Variants in CLNK observed in about 807,000 individuals in gnomAD.
The protein encoded by CLNK is cytokine-dependent hematopoietic cell linker.
In CLNK, 74 loss-of-function variants were observed where a neutral mutation model predicts 68.6. That is an observed-to-expected ratio of 1.08 (90% CI 0.89 to 1.31). The LOEUF (loss-of-function observed/expected upper bound fraction) is 1.31. Among genes scored for constraint, CLNK ranks in the 50% most tolerant of loss-of-function variants. The pLI, the probability that CLNK is intolerant of heterozygous loss-of-function variation, is 0.00. For missense variants in CLNK, 553 were observed against 515.3 expected, an observed-to-expected ratio of 1.07 and a Z score of -0.71; for synonymous variants, 198 against 172.2, an observed-to-expected ratio of 1.15 and a Z score of -1.17.
chr4:10,509,159 T>G (rs1426389414), intron 16 of CLNK, among the ~76,000 whole-genome samples: 1 of 151,252 alleles, frequency 6.6e-6, no homozygotes, highest in African/African-American at 2.4e-5. Flanking sequence ...TGGCAAGAGT[T>G]AGGTACGTGA....
intron 7 of CLNK, among the ~76,000 whole-genome samples, chr4:10,562,264 T>C (rs1336778707): frequency 6.6e-6 from 1 of 152,114 alleles, no homozygotes; most frequent in Non-Finnish European, 1.5e-5. Context: ...TTCTATGTAT[T>C]ACTACAACAG....
At chr4:10,607,965 T>C (rs1382283418) in intron 2 of CLNK, among the ~76,000 whole-genome samples, 1 of 152,224 alleles carries the variant, frequency 6.6e-6, no homozygotes. Flanking sequence ...AGCAATTTAC[T>C]GTACCTGTGT....
chr4:10,679,996 AC>A (rs1725031166), intron 1 of CLNK, among the ~76,000 whole-genome samples: 2 of 152,150 alleles, frequency 1.3e-5, no homozygotes, highest in African/African-American at 2.4e-5. Context: ...ATACCATTTG[AC>A]CCAGCCATCT....
intron 7 of CLNK, among the ~76,000 whole-genome samples, chr4:10,561,482 T>C (rs1004123596): frequency 1.3e-5 from 2 of 151,686 alleles, no homozygotes; most frequent in Non-Finnish European, 3.0e-5. Context: ...AGAATTATTC[T>C]TTGTAAAAAA....
intron 4 of CLNK, among the ~76,000 whole-genome samples, chr4:10,581,493 G>T (rs1262881471): frequency 6.6e-6 from 1 of 152,142 alleles, no homozygotes; most frequent in African/African-American, 2.4e-5. Flanking sequence ...CAAACTCACA[G>T]AAACAGCTAC....
intron 4 of CLNK, among the ~76,000 whole-genome samples, chr4:10,576,686 C>A (rs140839866): frequency 6.6e-6 from 1 of 152,168 alleles, no homozygotes; most frequent in Non-Finnish European, 1.5e-5. Flanking sequence ...ATCAAACTCA[C>A]CTTGGGAGCT....
At chr4:10,692,799 C>G in the CLNK span, among the ~76,000 whole-genome samples, 16 of 152,282 alleles carry the variant, frequency 1.1e-4, no homozygotes, top group African/African-American at 3.4e-4. Context: ...TTTATGCTCT[C>G]CTCCCAGCAC....
At chr4:10,501,472 G>A in intron 17 of CLNK, 61 bp from the exon 18 acceptor site, 1 of 1,519,484 alleles carries the variant, frequency 6.6e-7, no homozygotes, top group Non-Finnish European at 8.9e-7. Flanking sequence ...CCTTGTAATG[G>A]TGGCAACAAT....
intron 8 of CLNK, 58 bp from the exon 9 acceptor site, chr4:10,542,338 T>C: frequency 9.4e-7 from 1 of 1,068,044 alleles, no homozygotes; most frequent in Non-Finnish European, 1.4e-6. Flanking sequence ...AGCATTGATT[T>C]TATACACGCT....
rs140047988 is a variant in CLNK, at chr4:10,608,376, T to C, written c.12-10327A>G. 2.0e-5 allele frequency among the ~76,000 whole-genome samples: 3 copies of C among 152,282 alleles called. No homozygotes were observed. In the East Asian group the frequency reaches 5.8e-4, roughly 29 times the overall value. On this transcript the variant is annotated intron_variant, in intron 2 of 18. Transcript: ENST00000226951. Reference sequence around the variant, plus strand: ...CTCCTCCTCTTCTCCCATCTCTACATCTTCCAACTCTCCTTGGTCTTCTGG... The same window carrying C: ...CTCCTCCTCTTCTCCCATCTCTACACCTTCCAACTCTCCTTGGTCTTCTGG...
In CLNK at chr4:10,661,099, T is replaced by A. The variant is rs114773022; in HGVS notation, c.11+6760A>T. ...TCATTTTCTCTAGATTCAGTGGGAT[T>A]TACACTTATTTATTCCTGCAAATCA... is the stretch of plus-strand genomic sequence containing the variant. On this transcript the variant is annotated intron_variant, in intron 2 of 18. Coordinates refer to ENST00000226951, the MANE Select transcript of CLNK (RefSeq NM_052964.4). Among the ~76,000 whole-genome samples the A allele has an allele frequency of 1.9e-3, 283 of 152,304 alleles. 1 individual carries two copies. Among genetic ancestry groups the A allele is most frequent in the African/African-American group, 6.4e-3 (267 of 41,572 alleles).
chr4:10,537,158 C>T (rs778856704), intron 11 of CLNK, among the ~76,000 whole-genome samples: 1 of 152,138 alleles, frequency 6.6e-6, no homozygotes, highest in African/African-American at 2.4e-5. Context: ...TAGTGTAAAG[C>T]CAGGATGATA....
Position 10,501,430 on chromosome 4 carries a change from C to A in CLNK, c.985-19G>T. 1.9e-6 allele frequency: 3 copies of A among 1,603,054 alleles called. No individual in the cohort carries two copies. The highest frequency in any genetic ancestry group is 2.6e-6 in the Non-Finnish European group (3 of 1,176,464). On this transcript the variant is annotated intron_variant, in intron 17 of 18. Coordinates refer to ENST00000226951, the MANE Select transcript of CLNK (RefSeq NM_052964.4). ...TACCATCCTGAAGCAAAAAGAGTAA[C>A]AGTCATCTTTTCAGACACGCCAGCA...
chr4:10,594,278 C>T (rs1252943409), intron 3 of CLNK, among the ~76,000 whole-genome samples: 3 of 152,166 alleles, frequency 2.0e-5, no homozygotes, highest in African/African-American at 7.2e-5. Flanking sequence ...TCCAATCTCC[C>T]CCCATCCTCT....
intron 3 of CLNK, among the ~76,000 whole-genome samples, chr4:10,594,272 A>G (rs1178256772): frequency 6.6e-6 from 1 of 151,982 alleles, no homozygotes; most frequent in Admixed American, 6.6e-5. Flanking sequence ...CATTTCTCCA[A>G]TCTCCCCCCA....
At chr4:10,679,508 G>A (rs2108902332) in intron 1 of CLNK, among the ~76,000 whole-genome samples, 1 of 152,290 alleles carries the variant, frequency 6.6e-6, no homozygotes, top group East Asian at 1.9e-4. Flanking sequence ...AGCCAAAATT[G>A]ACAAATGGGA....
chr4:10,607,319 A>C (rs936613693), intron 2 of CLNK, among the ~76,000 whole-genome samples: 2 of 152,148 alleles, frequency 1.3e-5, no homozygotes, highest in African/African-American at 4.8e-5. Context: ...CCTGAGTCAT[A>C]CTGGAGTTTG....
chr4:10,549,480 C>A (rs1383402756), intron 8 of CLNK, among the ~76,000 whole-genome samples: 1 of 152,130 alleles, frequency 6.6e-6, no homozygotes, highest in Non-Finnish European at 1.5e-5. Context: ...CCTGTTCATA[C>A]TATGGGCAGG....
At chr4:10,730,372 G>A in the CLNK span, among the ~76,000 whole-genome samples, 8 of 152,108 alleles carry the variant, frequency 5.3e-5, no homozygotes, top group Non-Finnish European at 1.0e-4. Flanking sequence ...TTGTCAAGTC[G>A]TACTGATTGT....
Sources: allele counts gnomAD v4.1 joint callset (sites outside exome capture counted in the v4.1 genomes callset), GRCh38; gene constraint gnomAD v4.1.1; transcripts MANE v1.5; gene names NCBI Gene and HGNC (gene_info 2026-07-23, HGNC 2026-07-21).